BMPR1B: variants seen among roughly 807,000 people sequenced by gnomAD.
BMPR1B encodes bone morphogenetic protein receptor type-1B.
Under a neutral mutation model 59.1 loss-of-function variants are expected in BMPR1B, and 12 were observed. The observed-to-expected ratio is 0.20, with a 90% CI of 0.13 to 0.33. The LOEUF is 0.33. Among genes scored for constraint, BMPR1B ranks in the 10% least tolerant of loss-of-function variants. The probability of loss-of-function intolerance (pLI) is 1.00; values close to 1 mark genes in which losing one functional copy is unlikely to be tolerated. For missense variants in BMPR1B, 550 were observed against 610.9 expected, an observed-to-expected ratio of 0.90 and a Z score of 1.05; for synonymous variants, 237 against 207.3, an observed-to-expected ratio of 1.14 and a Z score of -1.23.
intron 1 of BMPR1B, among the ~76,000 whole-genome samples, chr4:94,783,103 T>G (rs1722642512): frequency 6.6e-6 from 1 of 152,178 alleles, no homozygotes; most frequent in Non-Finnish European, 1.5e-5. Flanking sequence ...ACGGTCTCTT[T>G]CCCTTATATC....
At chr4:95,010,767 C>T (rs937167653) in intron 3 of BMPR1B, among the ~76,000 whole-genome samples, 7 of 152,100 alleles carry the variant, frequency 4.6e-5, no homozygotes, top group African/African-American at 1.7e-4. Flanking sequence ...TCAGTAATAG[C>T]TAAGAAAGAT....
At chr4:94,894,602 A>T (rs943518275) in intron 2 of BMPR1B, among the ~76,000 whole-genome samples, 1 of 151,872 alleles carries the variant, frequency 6.6e-6, no homozygotes, top group Admixed American at 6.6e-5. Flanking sequence ...TTTTGAGAAT[A>T]CTCTATTTTG....
chr4:94,867,877 C>T (rs545369843), intron 1 of BMPR1B, among the ~76,000 whole-genome samples: 2 of 152,176 alleles, frequency 1.3e-5, no homozygotes, highest in Non-Finnish European at 1.5e-5. Context: ...GACAGAGTCT[C>T]ACTTCCATCA....
chr4:95,044,321 C>T (rs1297948261), intron 3 of BMPR1B, among the ~76,000 whole-genome samples: 1 of 152,212 alleles, frequency 6.6e-6, no homozygotes, highest in East Asian at 1.9e-4. Context: ...CCCTTCCTCT[C>T]CCTGAGTAAA....
intron 3 of BMPR1B, among the ~76,000 whole-genome samples, chr4:95,094,199 G>C (rs764182882): frequency 6.6e-6 from 1 of 152,020 alleles, no homozygotes; most frequent in Non-Finnish European, 1.5e-5. Flanking sequence ...TGGATTTAAT[G>C]ATTATTTGCT....
intron 4 of BMPR1B, among the ~76,000 whole-genome samples, chr4:95,109,009 A>G (rs547947862): frequency 6.6e-6 from 1 of 152,056 alleles, no homozygotes; most frequent in Non-Finnish European, 1.5e-5. Context: ...CCTTGTTTAT[A>G]TATTTTTTCT....
intron 1 of BMPR1B, among the ~76,000 whole-genome samples, chr4:94,813,155 A>G (rs1047209922): frequency 2.2e-4 from 34 of 152,190 alleles, no homozygotes; most frequent in Non-Finnish European, 4.3e-4. Flanking sequence ...CACTGGCCAC[A>G]TGGAGTTTAT....
At chr4:94,796,163 C>A (rs1012877915) in intron 1 of BMPR1B, among the ~76,000 whole-genome samples, 14 of 152,042 alleles carry the variant, frequency 9.2e-5, no homozygotes, top group Admixed American at 3.3e-4. Context: ...TGGGGTTTCA[C>A]CATGTTGGCC....
chr4:94,943,198 T>C (rs965451655), intron 2 of BMPR1B, among the ~76,000 whole-genome samples: 1 of 151,816 alleles, frequency 6.6e-6, no homozygotes, highest in African/African-American at 2.4e-5. Context: ...TGGAGTGCAA[T>C]GGCACGATCT....
At chr4:95,129,831 TA>T in intron 8 of BMPR1B, 30 bp from the exon 9 acceptor site, 1 of 1,603,036 alleles carries the variant, frequency 6.2e-7, no homozygotes, top group Non-Finnish European at 8.5e-7. Context: ...GCGCTGTGAA[TA>T]CACTAACAGT....
chr4:95,022,256 A>G (rs989398609), intron 3 of BMPR1B, among the ~76,000 whole-genome samples: 2 of 152,224 alleles, frequency 1.3e-5, no homozygotes, highest in African/African-American at 2.4e-5. Flanking sequence ...AGAAAATATG[A>G]AAACTCCCCA....
At chr4:94,942,844 T>A (rs755624263) in intron 2 of BMPR1B, among the ~76,000 whole-genome samples, 1 of 152,214 alleles carries the variant, frequency 6.6e-6, no homozygotes, top group East Asian at 1.9e-4. Context: ...TAGCACTGTA[T>A]ATGTTTGCAT....
chr4:94,814,661 G>A (rs1723942366), intron 1 of BMPR1B, among the ~76,000 whole-genome samples: 1 of 152,166 alleles, frequency 6.6e-6, no homozygotes, highest in African/African-American at 2.4e-5. Flanking sequence ...GCTTAAAACT[G>A]TGCTGGATGC....
At chr4:94,858,466 A>AT (rs1335134823) in intron 1 of BMPR1B, among the ~76,000 whole-genome samples, 1 of 152,122 alleles carries the variant, frequency 6.6e-6, no homozygotes, top group Non-Finnish European at 1.5e-5. Context: ...TCATGCCATA[A>AT]TTTTTTTCTA....
chr4:95,110,268 G>A (rs1439199387), intron 4 of BMPR1B, among the ~76,000 whole-genome samples: 5 of 152,002 alleles, frequency 3.3e-5, no homozygotes, highest in South Asian at 2.1e-4. Flanking sequence ...GGTCCGCATT[G>A]GGTGAAATTA....
chr4:95,023,235 A>G (rs914719358), intron 3 of BMPR1B, among the ~76,000 whole-genome samples: 7 of 152,164 alleles, frequency 4.6e-5, no homozygotes, highest in Non-Finnish European at 7.4e-5. Flanking sequence ...GCCTTCTCCC[A>G]TACAACACAT....
intron 1 of BMPR1B, among the ~76,000 whole-genome samples, chr4:94,801,541 A>G (rs1214880867): frequency 1.3e-5 from 2 of 152,198 alleles, no homozygotes; most frequent in African/African-American, 4.8e-5. Context: ...CTGTTAGATA[A>G]GGTGCTAGTG....
intron 6 of BMPR1B, among the ~76,000 whole-genome samples, chr4:95,119,175 TTGAG>T (rs1227248790): frequency 6.6e-6 from 1 of 152,174 alleles, no homozygotes; most frequent in Non-Finnish European, 1.5e-5. Flanking sequence ...CTAGTTTTGG[TTGAG>T]TATCTAGCAT....
intron 3 of BMPR1B, among the ~76,000 whole-genome samples, chr4:95,016,324 C>T (rs879840683): frequency 3.3e-5 from 5 of 151,960 alleles, no homozygotes; most frequent in Non-Finnish European, 7.4e-5. Flanking sequence ...ACTCAGTGGG[C>T]TGATATTTTT....
Sources: allele counts gnomAD v4.1 joint callset (sites outside exome capture counted in the v4.1 genomes callset), GRCh38; gene constraint gnomAD v4.1.1; transcripts MANE v1.5; gene names NCBI Gene and HGNC (gene_info 2026-07-23, HGNC 2026-07-21).